The following RIPOR2 variants were observed in gnomAD, a reference collection of about 807,000 sequenced individuals.
RIPOR2 encodes the protein RHO family interacting cell polarization regulator 2, also known as rho family-interacting cell polarization regulator 2.
In RIPOR2, 39 loss-of-function variants were observed where a neutral mutation model predicts 114.5. That is an observed-to-expected ratio of 0.34 (90% CI 0.26 to 0.44). The LOEUF (loss-of-function observed/expected upper bound fraction) is 0.44. Among genes scored for constraint, RIPOR2 ranks in the 20% least tolerant of loss-of-function variants. The pLI, the probability that RIPOR2 is intolerant of heterozygous loss-of-function variation, is 1.00. For synonymous variants in RIPOR2, 445 were observed against 484.4 expected (o/e 0.92, Z 1.07); for missense variants, 1,007 against 1,255.1 (o/e 0.80, Z 2.99).
chr6:24,869,916 G>A lies in RIPOR2; in HGVS notation c.448-769C>T, dbSNP rs570743531. Among the ~76,000 whole-genome samples, 12 of 152,170 alleles carry A rather than the reference G, an allele frequency of 7.9e-5. No individual in the cohort carries two copies. In the South Asian group the frequency reaches 1.9e-3, roughly 24 times the overall value. Reference sequence around the variant, plus strand: ...CAAAGATAATCATAGTTGTTCATGTGTCATCTCTTTGAGTTGTAATTATTA... The same window carrying A: ...CAAAGATAATCATAGTTGTTCATGTATCATCTCTTTGAGTTGTAATTATTA... On this transcript the variant is annotated intron_variant, in intron 5 of 21. Transcript: ENST00000643898.
Position 24,843,358 on chromosome 6 carries a change from T to A in RIPOR2, c.1361A>T (p.Asn454Ile). The A allele has an allele frequency of 6.2e-7, 1 of 1,613,898 alleles. No individual in the cohort carries two copies. The highest frequency in any genetic ancestry group is 8.5e-7 in the Non-Finnish European group (1 of 1,179,856). ...EFNLSSLASQ[N>I]EGMDDTSSAS... ...TGAGCTGGTGTCATCCATACCCTCA[T>A]TCTGGGAGGCCAAGCTGCTGAGGTT... The change falls in exon 13 of 22, where the codon AAT becomes ATT. Residue 454 changes from asparagine (N) to isoleucine (I), a missense_variant. By Grantham distance (149) the Asn-to-Ile change is moderately radical (BLOSUM62 -3). Transcript: ENST00000643898.
chr6:24,830,688 C>T lies in RIPOR2; in HGVS notation c.2345-18G>A, dbSNP rs1290840844. 1 of 1,540,428 alleles carries T rather than the reference C, an allele frequency of 6.5e-7. No homozygotes were observed. The highest frequency in any genetic ancestry group is 2.5e-5 in the East Asian group (1 of 40,760). ...TGGTATGGCTGGAAAAGAAGAGCAA[C>T]CCCCCATCTCGTAACACATTTTATT... On this transcript the variant is annotated intron_variant, in intron 16 of 21. Coordinates refer to ENST00000643898, the MANE Select transcript of RIPOR2 (RefSeq NM_001286445.3).
At chr6:24,870,591 C>T (rs756523077) in intron 5 of RIPOR2, among the ~76,000 whole-genome samples, 7 of 152,194 alleles carry the variant, frequency 4.6e-5, no homozygotes, top group Non-Finnish European at 8.8e-5. Context: ...ACTGCTGCCT[C>T]GACCTCCTGG....
intron 1 of RIPOR2, among the ~76,000 whole-genome samples, chr6:24,885,058 T>G (rs1057459722): frequency 6.6e-6 from 1 of 152,184 alleles, no homozygotes; most frequent in African/African-American, 2.4e-5. Context: ...CAGGATGCTA[T>G]GTGTTGTCCA....
At chr6:24,966,890 A>G (rs1423738015) in intron 1 of RIPOR2, among the ~76,000 whole-genome samples, 1 of 152,228 alleles carries the variant, frequency 6.6e-6, no homozygotes, top group African/African-American at 2.4e-5. Flanking sequence ...GCTATATGAT[A>G]AGAACTCCAT....
chr6:24,836,057 TA>T lies in RIPOR2; in HGVS notation c.2040-187del, dbSNP rs975094060. 6.7e-6 allele frequency: 4 copies of T among 592,840 alleles called. No homozygotes were observed. The African/African-American group carries it at 7.4e-5, about 11-fold the overall frequency. 36.7% of individuals were successfully genotyped at this position (592,840 alleles called of 1,614,324 possible). A position where few individuals can be genotyped will look rare whatever the true frequency, so the allele number is the denominator to read the frequency against. On this transcript the variant is annotated intron_variant, in intron 14 of 21. Transcript: ENST00000643898. ...GCCTGGTCACCAAATTGCCTAGTGT[TA>T]AAAGGACATGCAAACAAATTGCTTT...
chr6:24,958,566 TAAA>T (rs1773150440), intron 1 of RIPOR2, among the ~76,000 whole-genome samples: 1 of 152,228 alleles, frequency 6.6e-6, no homozygotes, highest in African/African-American at 2.4e-5. Flanking sequence ...ATTTTGCTAT[TAAA>T]ATTAATTATT....
chr6:24,935,895 G>C lies in RIPOR2; in HGVS notation c.4C>G (p.Gln2Glu), dbSNP rs1322139590. M[Q>E]FFDAEELLVD... ...AGGAGCTCCTCAGCATCAAAAAACT[G>C]CATCTTGGAGAGGACAGGCGCGAGA... Residue 2 changes from glutamine to glutamate, a missense_variant, in exon 1 of 22, where the codon CAG (glutamine) becomes GAG (glutamate). By Grantham distance (29) the Gln-to-Glu change is conservative. Coordinates refer to ENST00000643898, the MANE Select transcript of RIPOR2 (RefSeq NM_001286445.3). 2.6e-6 allele frequency: 4 copies of C among 1,534,904 alleles called. No homozygotes were observed. The African/African-American group carries it at 5.5e-5, about 21-fold the overall frequency.
At chr6:24,827,140 G>A (rs73396489) in intron 18 of RIPOR2, among the ~76,000 whole-genome samples, 4,222 of 152,132 alleles carry the variant, frequency 0.028, 114 homozygotes, top group African/African-American at 0.072. Flanking sequence ...AATAAATGAA[G>A]ACTATAATAT....
At chr6:24,932,373 CAGAT>C (rs1771467667) in intron 1 of RIPOR2, among the ~76,000 whole-genome samples, 1 of 151,516 alleles carries the variant, frequency 6.6e-6, no homozygotes, top group Non-Finnish European at 1.5e-5. Context: ...AGAGAAGAAA[CAGAT>C]GGAGAGACAG....
chr6:25,028,922 T>C (rs1776757722), intron 1 of RIPOR2, among the ~76,000 whole-genome samples: 1 of 152,186 alleles, frequency 6.6e-6, no homozygotes, highest in Non-Finnish European at 1.5e-5. Flanking sequence ...TGGAGCTCTG[T>C]CTAGGACTGA....
At chr6:24,865,765 T>C (rs1174032477) in intron 6 of RIPOR2, among the ~76,000 whole-genome samples, 1 of 152,200 alleles carries the variant, frequency 6.6e-6, no homozygotes, top group East Asian at 1.9e-4. Context: ...GGGTGGACTG[T>C]AAGTATTAAA....
In RIPOR2 at chr6:25,037,583, A is replaced by G. The variant is rs982638925; in HGVS notation, c.76+4268T>C. Among the ~76,000 whole-genome samples, 7 of 152,208 alleles carry G rather than the reference A, an allele frequency of 4.6e-5. No individual in the cohort carries two copies. The highest frequency in any genetic ancestry group is 1.0e-4 in the Non-Finnish European group (7 of 68,042). On this transcript the variant is annotated intron_variant, in intron 1 of 13. Transcript: ENST00000510784. The surrounding 1 kb of genome is among the most constrained non-coding windows in gnomAD (Gnocchi z 4.5). ...TTTGTAGTGACCTTTGGCCTCTTTT[A>G]AAATTCAAATATCCCTAAGAAGGGT...
At chr6:24,809,201 T>C (rs1453756279) in intron 21 of RIPOR2, among the ~76,000 whole-genome samples, 1 of 152,186 alleles carries the variant, frequency 6.6e-6, no homozygotes, top group East Asian at 1.9e-4. Flanking sequence ...TATTTCAGAA[T>C]AAAATAAGTA....
chr6:24,831,258 A>G (rs1760671878), intron 16 of RIPOR2, among the ~76,000 whole-genome samples: 1 of 152,204 alleles, frequency 6.6e-6, no homozygotes, highest in Non-Finnish European at 1.5e-5. Flanking sequence ...TAGGAAATAC[A>G]GGAGCTCTAC....
At chr6:24,847,468 A>G in intron 12 of RIPOR2, 2 of 1,453,736 alleles carry the variant, frequency 1.4e-6, no homozygotes, top group South Asian at 2.5e-5. Context: ...AAGATAAAAC[A>G]AGAGACATGC....
At chr6:24,976,808 G>T in intron 1 of RIPOR2, 9 of 1,611,362 alleles carry the variant, frequency 5.6e-6, no homozygotes, top group Non-Finnish European at 7.6e-6. Flanking sequence ...CAACACAAAT[G>T]GTTCCCAGTT....
intron 15 of RIPOR2, among the ~76,000 whole-genome samples, chr6:24,834,130 A>G (rs1038228562): frequency 3.9e-5 from 6 of 152,088 alleles, no homozygotes. Flanking sequence ...TATCAGTCTC[A>G]TGGTTTGTGA....
chr6:24,853,736 A>C (rs1020430845), intron 8 of RIPOR2, among the ~76,000 whole-genome samples: 1 of 152,236 alleles, frequency 6.6e-6, no homozygotes, highest in Non-Finnish European at 1.5e-5. Context: ...TCGTTAATAC[A>C]TGGTAATGAC....
Sources: allele counts gnomAD v4.1 joint callset (sites outside exome capture counted in the v4.1 genomes callset), GRCh38; gene constraint gnomAD v4.1.1; non-coding constraint Gnocchi (gnomAD v3.1); transcripts MANE v1.5; gene names NCBI Gene and HGNC (gene_info 2026-07-23, HGNC 2026-07-21).